RSRC1: variants seen among roughly 807,000 people sequenced by gnomAD.
RSRC1 encodes serine/Arginine-related protein 53.
In RSRC1, 39 loss-of-function variants were observed where a neutral mutation model predicts 49.1. That is an observed-to-expected ratio of 0.79 (90% CI 0.61 to 1.04). RSRC1 has a LOEUF of 1.04. Ranked by LOEUF, RSRC1 falls within the 50% of genes least tolerant of loss-of-function variation. RSRC1 has a pLI of 0.00. For missense variants in RSRC1, 388 were observed against 402.4 expected (o/e 0.96, Z 0.31); for synonymous variants, 143 against 130.8 (o/e 1.09, Z -0.63).
chr3:158,186,488 A>G (rs1008624857), intron 3 of RSRC1, among the ~76,000 whole-genome samples: 1 of 152,128 alleles, frequency 6.6e-6, no homozygotes, highest in Middle Eastern at 3.4e-3. Flanking sequence ...GATGGAATAA[A>G]GACATTTCTA....
chr3:158,510,164 A>G (rs1040081952), intron 7 of RSRC1, among the ~76,000 whole-genome samples: 1 of 152,146 alleles, frequency 6.6e-6, no homozygotes, highest in South Asian at 2.1e-4. Context: ...ATAAAATGTT[A>G]TCTGATTTTG....
intron 4 of RSRC1, among the ~76,000 whole-genome samples, chr3:158,240,637 G>T (rs1723518947): frequency 6.6e-6 from 1 of 152,068 alleles, no homozygotes; most frequent in Admixed American, 6.6e-5. Flanking sequence ...CTCCTTATCT[G>T]TGGTTTTGCT....
rs554644103 is a variant in RSRC1 at position 158,228,829 on chromosome 3, G to A, written c.494+25584G>A. ...TATGTCTATGATCATAGACACACGT[G>A]TGTATATATGTATATAAACACACAT... On this transcript the variant is annotated intron_variant, in intron 4 of 9. Coordinates refer to ENST00000611884, the MANE Select transcript of RSRC1 (RefSeq NM_001271838.2). 1.3e-3 allele frequency among the ~76,000 whole-genome samples: 198 copies of A among 150,036 alleles called. 16 individuals are homozygous for A. The highest frequency in any genetic ancestry group is 4.7e-3 in the African/African-American group (193 of 40,684).
chr3:158,179,583 C>G (rs1409181097), intron 3 of RSRC1, among the ~76,000 whole-genome samples: 1 of 152,054 alleles, frequency 6.6e-6, no homozygotes, highest in Non-Finnish European at 1.5e-5. Flanking sequence ...GTAACTTGTT[C>G]TTCTTATTGC....
At chr3:158,391,590 T>A (rs2362965) in intron 6 of RSRC1, among the ~76,000 whole-genome samples, 65,037 of 152,000 alleles carry the variant, frequency 0.43, 14,832 homozygotes, top group South Asian at 0.6. Flanking sequence ...GAAATAAGCA[T>A]TCATTTGCCA....
chr3:158,422,446 G>A (rs943957417), intron 6 of RSRC1, among the ~76,000 whole-genome samples: 8 of 151,474 alleles, frequency 5.3e-5, no homozygotes, highest in South Asian at 4.2e-4. Context: ...TGGTGTATAT[G>A]TGCCACATTT....
chr3:158,203,370 A>C (rs919023322), intron 4 of RSRC1, 125 bp downstream of exon 4: 1 of 931,932 alleles, frequency 1.1e-6, no homozygotes, highest in Non-Finnish European at 1.5e-6. Flanking sequence ...AAAATGGAAT[A>C]AAAAGAGAGA....
chr3:158,542,984 G>GT (rs1020451543), intron 8 of RSRC1, among the ~76,000 whole-genome samples: 48 of 152,084 alleles, frequency 3.2e-4, no homozygotes, highest in African/African-American at 1.1e-3. Flanking sequence ...GTATAGGCAC[G>GT]TAAGTACCAA....
At chr3:158,485,452 G>A (rs1005343840) in intron 7 of RSRC1, among the ~76,000 whole-genome samples, 18 of 152,036 alleles carry the variant, frequency 1.2e-4, no homozygotes, top group African/African-American at 4.1e-4. Flanking sequence ...ATAATTCATA[G>A]CATCTATTAT....
intron 4 of RSRC1, among the ~76,000 whole-genome samples, chr3:158,241,011 C>T (rs1229005290): frequency 6.6e-6 from 1 of 152,124 alleles, no homozygotes; most frequent in East Asian, 1.9e-4. Flanking sequence ...ATCTCTTATG[C>T]TACCTAATGT....
chr3:158,352,364 A>G (rs553316725), intron 5 of RSRC1, among the ~76,000 whole-genome samples: 13 of 152,328 alleles, frequency 8.5e-5, no homozygotes, highest in African/African-American at 3.1e-4. Flanking sequence ...GAGATCTTCT[A>G]TAGAGGGAGA....
chr3:158,233,238 T>G (rs1723062267), intron 4 of RSRC1, among the ~76,000 whole-genome samples: 1 of 152,268 alleles, frequency 6.6e-6, no homozygotes, highest in Admixed American at 6.5e-5. Flanking sequence ...TTTTATTTGT[T>G]TATTTGTTTT....
At chr3:158,476,881 A>T (rs146296699) in intron 7 of RSRC1, among the ~76,000 whole-genome samples, 1 of 152,266 alleles carries the variant, frequency 6.6e-6, no homozygotes, top group African/African-American at 2.4e-5. Context: ...TCTGGAAAGG[A>T]TTCATTGTTT....
chr3:158,460,854 A>C, intron 6 of RSRC1, 81 bp from the exon 7 acceptor site: 1 of 797,432 alleles, frequency 1.3e-6, no homozygotes, highest in Non-Finnish European at 1.9e-6. Context: ...TAAGTAATGA[A>C]TTTCTAGTCC....
chr3:158,276,397 C>T, intron 4 of RSRC1: 1 of 772,862 alleles, frequency 1.3e-6, no homozygotes, highest in Non-Finnish European at 2.3e-6. Flanking sequence ...CTCCATAGCT[C>T]CTGGATGTGC....
At chr3:158,220,827 G>A (rs1722189055) in intron 4 of RSRC1, among the ~76,000 whole-genome samples, 1 of 151,542 alleles carries the variant, frequency 6.6e-6, no homozygotes, top group East Asian at 2.0e-4. Flanking sequence ...ATACCATGCA[G>A]ACACCCTGCA....
chr3:158,240,737 G>T (rs894073779), intron 4 of RSRC1, among the ~76,000 whole-genome samples: 5 of 152,084 alleles, frequency 3.3e-5, no homozygotes, highest in Non-Finnish European at 2.9e-5. Context: ...ATTTTAAGTG[G>T]CATGCTGTTC....
intron 5 of RSRC1, among the ~76,000 whole-genome samples, chr3:158,351,024 ATAAC>A (rs1426232595): frequency 6.6e-6 from 1 of 152,166 alleles, no homozygotes; most frequent in Non-Finnish European, 1.5e-5. Context: ...TTTAAAAAAA[ATAAC>A]TATAGATAGC....
At chr3:158,122,003 T>G in intron 1 of RSRC1, 100 bp from the exon 2 acceptor site, 2 of 667,650 alleles carry the variant, frequency 3.0e-6, no homozygotes, top group Non-Finnish European at 4.5e-6. Context: ...AGACCCCATC[T>G]CTAAAATAAA....
Sources: gnomAD v4.1 joint callset for allele counts (sites outside exome capture counted in the v4.1 genomes callset) on GRCh38, gnomAD v4.1.1 for gene constraint, MANE v1.5 for transcripts, NCBI Gene and HGNC (gene_info 2026-07-23, HGNC 2026-07-21) for gene names.